Variants in DDX42 observed in about 807,000 individuals in gnomAD.
DDX42 encodes ATP-dependent RNA helicase DDX42.
Under a neutral mutation model 101.5 loss-of-function variants are expected in DDX42, and 22 were observed. That is an observed-to-expected ratio of 0.22 (90% CI 0.15 to 0.31). The LOEUF (loss-of-function observed/expected upper bound fraction) is 0.31, where lower values mean the gene tolerates loss of function less well. DDX42 is among the 10% of genes least tolerant of loss of function. DDX42 has a pLI of 1.00. For missense variants in DDX42, 849 were observed against 1,199.9 expected (o/e 0.71, Z 4.32); for synonymous variants, 402 against 401.2 (o/e 1.00, Z -0.02).
At chr17:63,812,638 C>T (rs968206814) in intron 14 of DDX42, among the ~76,000 whole-genome samples, 3 of 151,942 alleles carry the variant, frequency 2.0e-5, no homozygotes, top group Non-Finnish European at 4.4e-5. Context: ...ATATTTTTTC[C>T]TAGAAAGGAG....
At chr17:63,814,059 C>T (rs555800569) in intron 15 of DDX42, among the ~76,000 whole-genome samples, 5 of 152,196 alleles carry the variant, frequency 3.3e-5, no homozygotes, top group African/African-American at 1.2e-4. Flanking sequence ...GGGCTGGTCT[C>T]GAACTCCTGA....
intron 2 of DDX42, among the ~76,000 whole-genome samples, chr17:63,791,834 T>C (rs943268361): frequency 1.3e-5 from 2 of 152,006 alleles, no homozygotes; most frequent in Non-Finnish European, 2.9e-5. Flanking sequence ...TCACGTAAGG[T>C]AAGGAGTTCG....
Position 63,815,686 on chromosome 17 carries a change from T to C in DDX42, c.2013+13T>C, listed in dbSNP as rs1206329366. ...CTCTGAGAACATGGTGAGTCTAGAC[T>C]ACTACAGTAGTGCCTTTATAGTTGG... On this transcript the variant is annotated intron_variant, in intron 16 of 17. Coordinates refer to ENST00000389924, the MANE Select transcript of DDX42 (RefSeq NM_203499.3). 2 of 1,571,516 alleles carry C rather than the reference T, an allele frequency of 1.3e-6. No homozygotes were observed. Among genetic ancestry groups the C allele is most frequent in the Non-Finnish European group, 1.7e-6 (2 of 1,144,170 alleles).
rs2039884474 is a variant in DDX42, at chr17:63,809,591, C to T, written c.1184C>T (p.Ala395Val). 6.2e-7 allele frequency: 1 copy of T among 1,614,082 alleles called. No individual in the cohort carries two copies. Among genetic ancestry groups the T allele is most frequent in the Non-Finnish European group, 8.5e-7 (1 of 1,179,966 alleles). ...GRLIDHVKKKATNLQRVSYLV... is the reference protein window; with the variant it reads ...GRLIDHVKKKVTNLQRVSYLV... ...CTGATAGATCATGTGAAAAAGAAAG[C>T]TACCAATCTTCAAAGAGTCTCTTAC... The change falls in exon 11 of 18, where the codon GCT (alanine) becomes GTT (valine). Residue 395 changes from alanine to valine, a missense_variant. Ala to Val is a moderately conservative substitution (Grantham distance 64, BLOSUM62 0). Around this residue, in one of 5 missense-constraint regions of DDX42, gnomAD observed 370 missense variants for 608.8 expected, o/e 0.61. Transcript: ENST00000389924.
intron 3 of DDX42, among the ~76,000 whole-genome samples, chr17:63,794,136 C>A (rs142785629): frequency 6.6e-6 from 1 of 152,114 alleles, no homozygotes; most frequent in Non-Finnish European, 1.5e-5. Context: ...TTTACACTCT[C>A]GTAAATTCTC....
intron 1 of DDX42, among the ~76,000 whole-genome samples, chr17:63,779,670 C>A (rs1473834613): frequency 6.6e-6 from 1 of 152,150 alleles, no homozygotes; most frequent in African/African-American, 2.4e-5. Flanking sequence ...ACCCTATTCT[C>A]CCCTCCTCGC....
At chr17:63,811,602 A>G (rs942806554) in intron 13 of DDX42, 12 of 462,934 alleles carry the variant, frequency 2.6e-5, no homozygotes, top group Non-Finnish European at 3.9e-5. Context: ...TTACCTGTAC[A>G]TATGCGCTAT....
chr17:63,785,394 A>G (rs1349946842), intron 1 of DDX42, among the ~76,000 whole-genome samples: 1 of 151,898 alleles, frequency 6.6e-6, no homozygotes, highest in South Asian at 2.1e-4. Context: ...AGGTTGCAGC[A>G]AGCCGAGATT....
Position 63,787,287 on chromosome 17 carries a change from G to C in DDX42, c.221+17G>C. The C allele has an allele frequency of 3.7e-6, 6 of 1,612,736 alleles. No individual in the cohort carries two copies. Among genetic ancestry groups the C allele is most frequent in the Non-Finnish European group, 5.1e-6 (6 of 1,179,108 alleles). On this transcript the variant is annotated intron_variant, in intron 2 of 17. Transcript: ENST00000389924. The stretch of plus-strand genomic sequence containing the variant: ...AGAAAATGCGTAAGTGGTAATTCCT[G>C]GTAGTGTAGCAAAGTTTGGACTTTG...
At chr17:63,809,188 C>G (rs1385001486) in intron 10 of DDX42, among the ~76,000 whole-genome samples, 3 of 152,126 alleles carry the variant, frequency 2.0e-5, no homozygotes, top group Non-Finnish European at 4.4e-5. Flanking sequence ...TTCTTATACT[C>G]TCCCACAAAA....
At chr17:63,789,857 G>A (rs1316141136) in intron 2 of DDX42, among the ~76,000 whole-genome samples, 1 of 152,140 alleles carries the variant, frequency 6.6e-6, no homozygotes, top group Non-Finnish European at 1.5e-5. Context: ...ACAAGCATGA[G>A]CCACTGCACC....
At position 63,817,653 on chromosome 17, in the gene DDX42, C is replaced by T. The variant is rs753027764; in HGVS notation, c.2113-41C>T. The T allele has an allele frequency of 6.3e-6, 10 of 1,583,210 alleles. No homozygotes were observed. The East Asian group carries it at 1.3e-4, about 21-fold the overall frequency. On this transcript the variant is annotated intron_variant, in intron 17 of 17. Coordinates refer to ENST00000389924, the MANE Select transcript of DDX42 (RefSeq NM_203499.3). Reference sequence around the variant, plus strand: ...AAGTTGTATATTCAAGTTTCTTGAACTTGCTATCTTACCTACTCCTGATGT... The same window carrying T: ...AAGTTGTATATTCAAGTTTCTTGAATTTGCTATCTTACCTACTCCTGATGT...
intron 6 of DDX42, among the ~76,000 whole-genome samples, chr17:63,803,896 G>A (rs1043933666): frequency 1.3e-5 from 2 of 151,740 alleles, no homozygotes; most frequent in African/African-American, 4.8e-5. Flanking sequence ...GTGATCCATC[G>A]GCCTCAGCCT....
intron 6 of DDX42, among the ~76,000 whole-genome samples, chr17:63,803,678 G>A: frequency 6.7e-6 from 1 of 148,934 alleles, no homozygotes; most frequent in East Asian, 2.0e-4. Flanking sequence ...ATGGAGTCCT[G>A]CTCTGTCGCC....
chr17:63,798,254 G>A, intron 4 of DDX42, 155 bp downstream of exon 4: 1 of 613,996 alleles, frequency 1.6e-6, no homozygotes, highest in Non-Finnish European at 2.8e-6. Flanking sequence ...TAAGAATAGA[G>A]ATGGCAACAG....
chr17:63,814,878 C>T (rs1156962829), intron 15 of DDX42, among the ~76,000 whole-genome samples: 1 of 151,840 alleles, frequency 6.6e-6, no homozygotes, highest in Non-Finnish European at 1.5e-5. Context: ...TTAGTAGGGA[C>T]GGGGTTTCAC....
intron 11 of DDX42, chr17:63,810,256 T>G (rs1415472473): frequency 5.4e-6 from 1 of 184,194 alleles, no homozygotes; most frequent in Non-Finnish European, 1.1e-5. Flanking sequence ...TGGCTATTTT[T>G]TTTTTTTTTT....
At chr17:63,793,938 T>A (rs1029225222) in intron 3 of DDX42, among the ~76,000 whole-genome samples, 4 of 151,280 alleles carry the variant, frequency 2.6e-5, no homozygotes, top group African/African-American at 9.7e-5. Flanking sequence ...TTGCCCCAAA[T>A]CATATTGGTA....
chr17:63,787,921 T>TG (rs2144537821), intron 2 of DDX42, among the ~76,000 whole-genome samples: 1 of 144,924 alleles, frequency 6.9e-6, no homozygotes, highest in East Asian at 1.9e-4. Flanking sequence ...TTTTTTTTTT[T>TG]TGGAGGCAGA....
Sources: allele counts gnomAD v4.1 joint callset (sites outside exome capture counted in the v4.1 genomes callset), GRCh38; gene constraint gnomAD v4.1.1; regional missense constraint gnomAD v4.1.1; transcripts MANE v1.5; gene names NCBI Gene and HGNC (gene_info 2026-07-23, HGNC 2026-07-21).